CDIN1: variants seen among roughly 807,000 people sequenced by gnomAD.
The protein encoded by CDIN1 is CDAN1 interacting nuclease 1.
Under a neutral mutation model 45.3 loss-of-function variants are expected in CDIN1, and 33 were observed. The observed-to-expected ratio is 0.73, with a 90% CI of 0.55 to 0.97. The LOEUF (loss-of-function observed/expected upper bound fraction) is 0.97, where lower values mean the gene tolerates loss of function less well. Among genes scored for constraint, CDIN1 ranks in the 50% least tolerant of loss-of-function variants. The pLI, the probability that CDIN1 is intolerant of heterozygous loss-of-function variation, is 0.00. For missense variants in CDIN1, 303 were observed against 339.4 expected (o/e 0.89, Z 0.84); for synonymous variants, 118 against 124.4 (o/e 0.95, Z 0.34).
intron 3 of CDIN1, among the ~76,000 whole-genome samples, chr15:36,646,375 A>G (rs887204047): frequency 1.3e-5 from 2 of 152,152 alleles, no homozygotes; most frequent in African/African-American, 4.8e-5. Flanking sequence ...CTTTGTTTTG[A>G]GTAGTAATAC....
At chr15:36,704,517 A>T (rs1216371154) in intron 8 of CDIN1, 1 of 152,042 alleles carries the variant, frequency 6.6e-6, no homozygotes, top group African/African-American at 2.4e-5. Flanking sequence ...TAGAGAACAT[A>T]AAAATATAGA....
intron 8 of CDIN1, among the ~76,000 whole-genome samples, chr15:36,698,078 C>A (rs2042502101): frequency 6.6e-6 from 1 of 152,106 alleles, no homozygotes; most frequent in South Asian, 2.1e-4. Flanking sequence ...TATTATTATA[C>A]AGATCTGTTT....
chr15:36,620,315 C>T (rs2039121949), intron 1 of CDIN1, among the ~76,000 whole-genome samples: 1 of 151,860 alleles, frequency 6.6e-6, no homozygotes, highest in Non-Finnish European at 1.5e-5. Context: ...GGCGCCACCG[C>T]ACTCCAGCCT....
At chr15:36,800,535 T>C (rs967420703) in intron 10 of CDIN1, among the ~76,000 whole-genome samples, 2 of 152,066 alleles carry the variant, frequency 1.3e-5, no homozygotes, top group Non-Finnish European at 2.9e-5. Context: ...GACTGAAAGG[T>C]TATTTACAAC....
chr15:36,619,231 G>A (rs2039037998), intron 1 of CDIN1: 7 of 1,306,826 alleles, frequency 5.4e-6, no homozygotes, highest in Non-Finnish European at 6.2e-6. Flanking sequence ...ATGACGTAAT[G>A]GCAAAGAGCA....
intron 1 of CDIN1, among the ~76,000 whole-genome samples, chr15:36,587,754 C>G (rs993346939): frequency 3.3e-5 from 5 of 152,126 alleles, no homozygotes; most frequent in Middle Eastern, 3.2e-3. Context: ...ATAAAAAGCT[C>G]TATCTCTTTT....
intron 5 of CDIN1, among the ~76,000 whole-genome samples, chr15:36,660,782 C>T (rs1051372124): frequency 1.3e-5 from 2 of 152,120 alleles, no homozygotes; most frequent in African/African-American, 2.4e-5. Flanking sequence ...TGATAGGATA[C>T]GTATTTTGAG....
At chr15:36,633,841 T>A (rs372441241) in intron 1 of CDIN1, among the ~76,000 whole-genome samples, 1 of 151,074 alleles carries the variant, frequency 6.6e-6, no homozygotes, top group South Asian at 2.1e-4. Flanking sequence ...AACAGCAACC[T>A]CTGTCTCCCG....
chr15:36,803,376 G>A (rs1010159097), intron 10 of CDIN1, among the ~76,000 whole-genome samples: 16 of 151,764 alleles, frequency 1.1e-4, no homozygotes, highest in African/African-American at 2.2e-4. Flanking sequence ...GCAGTCCCGC[G>A]AACCTAGGTT....
At chr15:36,658,795 A>G (rs1471599697) in intron 5 of CDIN1, among the ~76,000 whole-genome samples, 2 of 152,082 alleles carry the variant, frequency 1.3e-5, no homozygotes, top group African/African-American at 4.8e-5. Flanking sequence ...TTATTTTTTT[A>G]TATTTTGTCA....
chr15:36,604,206 A>G (rs960716163), intron 1 of CDIN1, among the ~76,000 whole-genome samples: 33 of 152,060 alleles, frequency 2.2e-4, no homozygotes, highest in African/African-American at 7.7e-4. Context: ...ACACATGCAA[A>G]TGCTAAATTC....
At chr15:36,590,290 A>G (rs1332297558) in intron 1 of CDIN1, among the ~76,000 whole-genome samples, 2 of 152,240 alleles carry the variant, frequency 1.3e-5, no homozygotes, top group Non-Finnish European at 2.9e-5. Context: ...AAATTTTCTC[A>G]GGACCTATTT....
intron 7 of CDIN1, among the ~76,000 whole-genome samples, chr15:36,694,813 T>C (rs1315784823): frequency 6.6e-6 from 1 of 152,146 alleles, no homozygotes; most frequent in African/African-American, 2.4e-5. Flanking sequence ...GAGACCTCAG[T>C]TTCATGATTC....
chr15:36,753,441 T>C (rs2053527147), intron 10 of CDIN1, among the ~76,000 whole-genome samples: 1 of 152,106 alleles, frequency 6.6e-6, no homozygotes, highest in Admixed American at 6.6e-5. Context: ...GTTGCCTTTG[T>C]ATGGCTACCG....
chr15:36,585,770 A>G (rs761470372), intron 1 of CDIN1, among the ~76,000 whole-genome samples: 1 of 152,168 alleles, frequency 6.6e-6, no homozygotes, highest in Non-Finnish European at 1.5e-5. Flanking sequence ...GGTGTTTTAT[A>G]ATAGGAAAAT....
At chr15:36,740,889 C>CAAA (rs201052730) in intron 10 of CDIN1, among the ~76,000 whole-genome samples, 5 of 126,220 alleles carry the variant, frequency 4.0e-5, no homozygotes, top group Admixed American at 8.1e-5. Context: ...GACTCCATCT[C>CAAA]AAAAAAAAAA....
chr15:36,709,121 A>T, intron 8 of CDIN1, 102 bp from the exon 9 acceptor site: 2 of 936,004 alleles, frequency 2.1e-6, no homozygotes, highest in Non-Finnish European at 3.1e-6. Flanking sequence ...ATGTATGACT[A>T]CAGTAGTAAT....
At chr15:36,734,790 G>A (rs1336106283) in intron 10 of CDIN1, among the ~76,000 whole-genome samples, 1 of 152,128 alleles carries the variant, frequency 6.6e-6, no homozygotes, top group African/African-American at 2.4e-5. Flanking sequence ...CTGGGCCAGT[G>A]TTGCTATTTT....
chr15:36,617,123 G>C, intron 1 of CDIN1: 1 of 945,640 alleles, frequency 1.1e-6, no homozygotes. Context: ...ACATCTAAAG[G>C]AACTGGTTTA....
Sources: allele counts gnomAD v4.1 joint callset (sites outside exome capture counted in the v4.1 genomes callset), GRCh38; gene constraint gnomAD v4.1.1; transcripts MANE v1.5; gene names NCBI Gene and HGNC (gene_info 2026-07-23, HGNC 2026-07-21).